The following SYT9 variants were observed in gnomAD, a reference collection of about 807,000 sequenced individuals.
SYT9 encodes synaptotagmin-9.
In SYT9, 22 loss-of-function variants were observed where a neutral mutation model predicts 48.4. The observed-to-expected ratio is 0.45, with a 90% CI of 0.32 to 0.65. The LOEUF is 0.65. Ranked by LOEUF, SYT9 falls within the 30% of genes least tolerant of loss-of-function variation. SYT9 has a pLI of 0.03. For synonymous variants in SYT9, 265 were observed against 245.0 expected, an observed-to-expected ratio of 1.08 and a Z score of -0.76; for missense variants, 577 against 622.0, an observed-to-expected ratio of 0.93 and a Z score of 0.77.
At chr11:7,333,442 G>A (rs1036813855) in intron 3 of SYT9, among the ~76,000 whole-genome samples, 1 of 152,166 alleles carries the variant, frequency 6.6e-6, no homozygotes, top group African/African-American at 2.4e-5. Context: ...TATGTTACCT[G>A]TCTTGAAATG....
In SYT9 at chr11:7,419,869, G is replaced by A. The variant is rs139355444; in HGVS notation, c.1338-637G>A. Among the ~76,000 whole-genome samples, 724 of 152,222 alleles carry A rather than the reference G, an allele frequency of 4.8e-3. 2 individuals carry two copies. The highest frequency in any genetic ancestry group is 0.016 in the African/African-American group (661 of 41,520). ...CGAGATCATGCCACTGCACTCCAGC[G>A]TGGGTGACAGAGTGAGACTCCATTT... On this transcript the variant is annotated intron_variant, in intron 5 of 6. Transcript: ENST00000318881.
At chr11:7,256,264 CA>C (rs2119782795) in intron 1 of SYT9, among the ~76,000 whole-genome samples, 1 of 152,308 alleles carries the variant, frequency 6.6e-6, no homozygotes, top group African/African-American at 2.4e-5. Flanking sequence ...CTAGTCCTCA[CA>C]AGTCTTTTAA....
chr11:7,357,545 G>C (rs1257721039), intron 3 of SYT9, among the ~76,000 whole-genome samples: 1 of 152,084 alleles, frequency 6.6e-6, no homozygotes, highest in Non-Finnish European at 1.5e-5. Flanking sequence ...AAAGCAGTGT[G>C]AAGTAAGCTT....
chr11:7,258,453 A>C (rs916969392), intron 1 of SYT9, among the ~76,000 whole-genome samples: 1 of 152,174 alleles, frequency 6.6e-6, no homozygotes, highest in African/African-American at 2.4e-5. Context: ...GACCACATCA[A>C]ATCCTGAGGA....
At chr11:7,450,753 AC>A (rs1848032191) in intron 6 of SYT9, among the ~76,000 whole-genome samples, 1 of 152,140 alleles carries the variant, frequency 6.6e-6, no homozygotes, top group South Asian at 2.1e-4. Context: ...TTCCAGTTTA[AC>A]TTTTCTTTTC....
At chr11:7,353,823 A>G (rs1317128654) in intron 3 of SYT9, among the ~76,000 whole-genome samples, 3 of 152,208 alleles carry the variant, frequency 2.0e-5, no homozygotes, top group African/African-American at 7.2e-5. Context: ...GACTGCCAGT[A>G]TATGTATATT....
At chr11:7,338,417 A>G (rs952045831) in intron 3 of SYT9, among the ~76,000 whole-genome samples, 1 of 151,790 alleles carries the variant, frequency 6.6e-6, no homozygotes, top group Non-Finnish European at 1.5e-5. Flanking sequence ...TCTTGCTTCT[A>G]TAGTTCTTTT....
chr11:7,365,846 G>C (rs935651802), intron 3 of SYT9, among the ~76,000 whole-genome samples: 2 of 152,184 alleles, frequency 1.3e-5, no homozygotes, highest in African/African-American at 2.4e-5. Flanking sequence ...AATGTATCAG[G>C]CTTCTCCCTT....
intron 1 of SYT9, 139 bp from the exon 2 acceptor site, chr11:7,302,900 C>T (rs1331473730): frequency 4.2e-6 from 3 of 711,406 alleles, no homozygotes; most frequent in Non-Finnish European, 4.8e-6. Context: ...TTAAGTAACC[C>T]AGCCATGCGC....
chr11:7,258,444 A>T (rs1057200111), intron 1 of SYT9, among the ~76,000 whole-genome samples: 1 of 152,132 alleles, frequency 6.6e-6, no homozygotes, highest in Non-Finnish European at 1.5e-5. Context: ...AGGGCTTTAG[A>T]CCACATCAAA....
chr11:7,441,097 A>C (rs551463836), intron 6 of SYT9: 13 of 152,434 alleles, frequency 8.5e-5, no homozygotes, highest in African/African-American at 3.1e-4. Context: ...GACAATGATC[A>C]CAGCCTTGTA....
chr11:7,466,393 A>G (rs777646807), intron 6 of SYT9, among the ~76,000 whole-genome samples: 1 of 152,128 alleles, frequency 6.6e-6, no homozygotes, highest in East Asian at 1.9e-4. Flanking sequence ...CCCAGCATCT[A>G]TTACCATGCC....
intron 3 of SYT9, among the ~76,000 whole-genome samples, chr11:7,402,859 AT>A (rs768481680): frequency 1.4e-3 from 214 of 152,222 alleles, no homozygotes; most frequent in Non-Finnish European, 2.3e-3. Flanking sequence ...GCCTTTTCTA[AT>A]TCTAATTGTT....
chr11:7,452,118 AACACAC>A lies in SYT9; in HGVS notation c.1468-14649_1468-14644del, dbSNP rs142000557. On this transcript the variant is annotated intron_variant, in intron 6 of 6. Transcript: ENST00000318881. ...AGCATTAATAGAGGTTTATATTTAA[AACACAC>A]ACACACACACACACACACACACACT... Among the ~76,000 whole-genome samples, 211 of 147,644 alleles carry A rather than the reference AACACAC, an allele frequency of 1.4e-3. 3 individuals are homozygous for A. In the South Asian group the frequency reaches 0.025, roughly 17 times the overall value.
intron 3 of SYT9, among the ~76,000 whole-genome samples, chr11:7,365,288 G>C (rs1850219753): frequency 6.6e-6 from 1 of 152,116 alleles, no homozygotes; most frequent in Non-Finnish European, 1.5e-5. Context: ...AAAAATCCAA[G>C]ATGGAATAAA....
intron 3 of SYT9, among the ~76,000 whole-genome samples, chr11:7,373,310 T>C (rs564408144): frequency 1.1e-4 from 17 of 152,286 alleles, no homozygotes; most frequent in African/African-American, 4.1e-4. Context: ...GTTATTATTT[T>C]CTCCTCTGGA....
intron 1 of SYT9, among the ~76,000 whole-genome samples, chr11:7,263,709 G>A (rs1848122348): frequency 6.6e-6 from 1 of 152,122 alleles, no homozygotes; most frequent in Non-Finnish European, 1.5e-5. Context: ...ACCAAGAACT[G>A]ACCATTGCAT....
intron 3 of SYT9, among the ~76,000 whole-genome samples, chr11:7,330,252 A>T (rs571968989): frequency 2.0e-5 from 3 of 152,198 alleles, no homozygotes; most frequent in Non-Finnish European, 4.4e-5. Flanking sequence ...ACACAATAGC[A>T]TGGATGGATA....
upstream of SYT9, among the ~76,000 whole-genome samples, chr11:7,250,392 A>G (rs982246102): frequency 2.6e-5 from 4 of 151,916 alleles, no homozygotes; most frequent in Non-Finnish European, 5.9e-5. Context: ...CATTAGGGTA[A>G]TATTTCCATG....
Sources: allele counts gnomAD v4.1 joint callset (sites outside exome capture counted in the v4.1 genomes callset), GRCh38; gene constraint gnomAD v4.1.1; transcripts MANE v1.5; gene names NCBI Gene and HGNC (gene_info 2026-07-23, HGNC 2026-07-21).